The following FNTB variants were observed in gnomAD, a reference collection of about 807,000 sequenced individuals.
FNTB encodes the protein protein farnesyltransferase subunit beta.
Under a neutral mutation model 59.4 loss-of-function variants are expected in FNTB, and 27 were observed. The ratio of observed to expected loss-of-function variants is 0.45; its 90% CI spans 0.34 to 0.63. The LOEUF (loss-of-function observed/expected upper bound fraction) is 0.63. FNTB is among the 20% of genes least tolerant of loss of function. The pLI, the probability that FNTB is intolerant of heterozygous loss-of-function variation, is 0.02. For missense variants in FNTB, 449 were observed against 559.6 expected, an observed-to-expected ratio of 0.80 and a Z score of 1.99; for synonymous variants, 230 against 220.7, an observed-to-expected ratio of 1.04 and a Z score of -0.37.
chr14:64,987,225 T>G (rs1200320652), intron 1 of FNTB, 128 bp downstream of exon 1: 3 of 1,171,856 alleles, frequency 2.6e-6, no homozygotes, highest in South Asian at 2.9e-5. Context: ...GCGGTGCCTT[T>G]CCTCTGGGAA....
Position 65,061,296 on chromosome 14 carries a change from A to C in FNTB, c.1298A>C (p.Glu433Ala), listed in dbSNP as rs2062861012. ...FEELKDETSA[E>A]PATD is the part of the protein sequence containing the mutation. The stretch of plus-strand genomic sequence containing the variant: ...GAGCTTAAGGATGAGACATCGGCAG[A>C]GCCTGCAACCGACTAGAGGACCTGG... The change falls in exon 12 of 12, where the codon GAG (glutamate) becomes GCG (alanine). Residue 433 changes from glutamate to alanine, a missense_variant. By Grantham distance (107) the Glu-to-Ala change is moderately radical. Transcript: ENST00000246166. 6.2e-7 allele frequency: 1 copy of C among 1,614,008 alleles called. No individual in the cohort carries two copies. The highest frequency in any genetic ancestry group is 8.5e-7 in the Non-Finnish European group (1 of 1,180,012).
intron 4 of FNTB, among the ~76,000 whole-genome samples, chr14:65,019,850 A>G (rs531910609): frequency 1.3e-5 from 2 of 152,352 alleles, no homozygotes; most frequent in African/African-American, 4.8e-5. Context: ...TAAGATACAG[A>G]TAAATCTTAA....
intron 4 of FNTB, among the ~76,000 whole-genome samples, chr14:65,020,441 T>C (rs572502022): frequency 1.3e-5 from 2 of 152,244 alleles, no homozygotes; most frequent in East Asian, 3.9e-4. Flanking sequence ...TTGCCTCTTT[T>C]TTTTTTGAGA....
chr14:65,050,958 A>G (rs2062593222), intron 9 of FNTB, among the ~76,000 whole-genome samples: 1 of 152,258 alleles, frequency 6.6e-6, no homozygotes, highest in African/African-American at 2.4e-5. Context: ...AAAAGAAGAT[A>G]GAGTGAAGTC....
intron 4 of FNTB, among the ~76,000 whole-genome samples, chr14:65,019,388 GA>G (rs1444177081): frequency 2.0e-5 from 3 of 151,764 alleles, no homozygotes; most frequent in African/African-American, 7.3e-5. Flanking sequence ...TCGGGAGACT[GA>G]AGCAGGAGAA....
chr14:65,013,768 G>A (rs56323926), intron 3 of FNTB, among the ~76,000 whole-genome samples: 15,219 of 152,162 alleles, frequency 0.1, 1,015 homozygotes, highest in Admixed American at 0.17. Context: ...GGCTGGTCTC[G>A]AGCTCCTGAC....
At chr14:65,039,598 C>T (rs1030387026) in intron 7 of FNTB, among the ~76,000 whole-genome samples, 1 of 152,264 alleles carries the variant, frequency 6.6e-6, no homozygotes, top group East Asian at 1.9e-4. Context: ...TCTCCCATCC[C>T]TATCCTTTGG....
At chr14:65,013,011 G>C (rs1474550348) in intron 3 of FNTB, among the ~76,000 whole-genome samples, 2 of 152,214 alleles carry the variant, frequency 1.3e-5, no homozygotes, top group African/African-American at 4.8e-5. Context: ...CGGTGGAGGG[G>C]ACAGATGTTG....
At chr14:65,017,657 T>A (rs562168283) in intron 4 of FNTB, among the ~76,000 whole-genome samples, 16 of 152,156 alleles carry the variant, frequency 1.1e-4, no homozygotes, top group Admixed American at 2.0e-4. Context: ...TTAAAAAAAA[T>A]TTTTTTTAAA....
intron 10 of FNTB, among the ~76,000 whole-genome samples, chr14:65,053,668 A>G (rs1389401249): frequency 6.6e-6 from 1 of 152,174 alleles, no homozygotes; most frequent in African/African-American, 2.4e-5. Context: ...AATAGGATAC[A>G]GGATTTTAAA....
intron 11 of FNTB, among the ~76,000 whole-genome samples, chr14:65,056,361 T>C (rs1244573095): frequency 6.6e-6 from 1 of 152,224 alleles, no homozygotes; most frequent in Non-Finnish European, 1.5e-5. Context: ...AACGTTGTGG[T>C]ATCTGTCTCA....
intron 1 of FNTB, chr14:64,987,298 T>A: frequency 1.6e-6 from 1 of 623,026 alleles, no homozygotes; most frequent in Non-Finnish European, 2.8e-6. Flanking sequence ...TGGGGAAGGG[T>A]CGTTTCAAGG....
In FNTB at chr14:65,012,916, G is replaced by A. The variant is rs572036414; in HGVS notation, c.282+527G>A. Among the ~76,000 whole-genome samples, 13 of 152,294 alleles carry A rather than the reference G, an allele frequency of 8.5e-5. No homozygotes were observed. The highest frequency in any genetic ancestry group is 3.1e-4 in the African/African-American group (13 of 41,558). On this transcript the variant is annotated intron_variant, in intron 3 of 11. Coordinates refer to ENST00000246166, the MANE Select transcript of FNTB (RefSeq NM_002028.4). This position sits in a 1 kb window ranked among gnomAD's most constrained non-coding sequence, Gnocchi z 5.0. ...AATTTCTATACTGACTAGAGGACCA[G>A]TATAGAGAGTGGTCCTTGCAATTTA...
At chr14:65,002,705 C>T (rs1230264907) in intron 1 of FNTB, among the ~76,000 whole-genome samples, 1 of 152,096 alleles carries the variant, frequency 6.6e-6, no homozygotes, top group Admixed American at 6.6e-5. Flanking sequence ...TGGGAAGAAT[C>T]CTCAAATCCC....
intron 11 of FNTB, among the ~76,000 whole-genome samples, chr14:65,060,674 C>T (rs1388747697): frequency 1.1e-5 from 1 of 89,298 alleles, no homozygotes; most frequent in South Asian, 3.8e-4. Flanking sequence ...CCAGCCTGGG[C>T]GACAGAGCGA....
chr14:65,054,023 C>T lies in FNTB; in HGVS notation c.1068-552C>T, dbSNP rs939637128. Among the ~76,000 whole-genome samples, 2 of 152,136 alleles carry T rather than the reference C, an allele frequency of 1.3e-5. No individual in the cohort carries two copies. Among genetic ancestry groups the T allele is most frequent in the Non-Finnish European group, 2.9e-5 (2 of 68,040 alleles). On this transcript the variant is annotated intron_variant, in intron 10 of 11. Transcript: ENST00000246166. The surrounding 1 kb of genome is among the most constrained non-coding windows in gnomAD (Gnocchi z 4.4). The stretch of plus-strand genomic sequence containing the variant: ...GAGACTGACTTTAAAATTACAGTTT[C>T]CTTTAATAGTTTAAGGTAAAAAAAG...
At chr14:64,995,189 G>C (rs572827573) in intron 1 of FNTB, among the ~76,000 whole-genome samples, 23 of 152,296 alleles carry the variant, frequency 1.5e-4, no homozygotes, top group African/African-American at 5.1e-4. Context: ...CCACTGGAAG[G>C]CCTTCGGGGA....
chr14:64,991,735 A>T lies in FNTB; in HGVS notation c.144+4638A>T, dbSNP rs962800008. Among the ~76,000 whole-genome samples the T allele has an allele frequency of 6.6e-6, 1 of 152,194 alleles. No homozygotes were observed. The highest frequency in any genetic ancestry group is 6.5e-5 in the Admixed American group (1 of 15,282). ...TGAGGTGGTCAGGATGACTTCATGGAGAACGTGGAACTGGGTGGGCTGTAA... is the reference window on the plus strand; with the variant it reads ...TGAGGTGGTCAGGATGACTTCATGGTGAACGTGGAACTGGGTGGGCTGTAA... On this transcript the variant is annotated intron_variant, in intron 1 of 11. Coordinates refer to ENST00000246166, the MANE Select transcript of FNTB (RefSeq NM_002028.4). The surrounding 1 kb of genome is among the most constrained non-coding windows in gnomAD (Gnocchi z 4.4).
At chr14:65,003,928 C>T (rs7152349) in intron 1 of FNTB, among the ~76,000 whole-genome samples, 8,105 of 152,214 alleles carry the variant, frequency 0.053, 767 homozygotes, top group African/African-American at 0.18. Context: ...ATATGCTCTC[C>T]CACACAAGCA....
Sources: gnomAD v4.1 joint callset for allele counts (sites outside exome capture counted in the v4.1 genomes callset) on GRCh38, gnomAD v4.1.1 for gene constraint, Gnocchi (gnomAD v3.1) non-coding constraint, MANE v1.5 for transcripts, NCBI Gene and HGNC (gene_info 2026-07-23, HGNC 2026-07-21) for gene names.